Variants in RDM1 observed in about 807,000 individuals in gnomAD.
RDM1 encodes RAD52 motif containing 1.
In RDM1, 28 loss-of-function variants were observed where a neutral mutation model predicts 27.7. The ratio of observed to expected loss-of-function variants is 1.01; its 90% CI spans 0.75 to 1.39. The LOEUF (loss-of-function observed/expected upper bound fraction) is 1.39, where lower values mean the gene tolerates loss of function less well. Ranked by LOEUF, RDM1 falls within the 40% of genes most tolerant of loss-of-function variation. RDM1 has a pLI of 0.00. For missense variants in RDM1, 277 were observed against 337.3 expected (o/e 0.82, Z 1.40); for synonymous variants, 124 against 127.5 (o/e 0.97, Z 0.19).
Position 35,930,738 on chromosome 17 carries a change from C to G in RDM1, c.-11G>C. On this transcript the variant is annotated 5_prime_UTR_variant, in exon 1 of 7. Transcript: ENST00000620284. ...TACCAACTCCGCCATCCTCCCTTCA[C>G]CGCACCTGCGCGGCTAACCCTCGCC... 1 of 1,612,466 alleles carries G rather than the reference C, an allele frequency of 6.2e-7. No individual in the cohort carries two copies.
At chr17:35,923,763 C>T (rs1454679811) in intron 4 of RDM1, among the ~76,000 whole-genome samples, 1 of 152,156 alleles carries the variant, frequency 6.6e-6, no homozygotes, top group Non-Finnish European at 1.5e-5. Context: ...CCTCTGACTT[C>T]AAACCCTAAG....
chr17:35,927,115 C>CAAAAAAAAAAAAAAAA (rs955692533), intron 2 of RDM1, among the ~76,000 whole-genome samples: 1 of 75,474 alleles, frequency 1.3e-5, no homozygotes, highest in Admixed American at 1.5e-4. Flanking sequence ...TTCATTTCAC[C>CAAAAAAAAAAAAAAAA]AAAAAAAAAA....
chr17:35,925,278 A>C (rs1421690697), intron 3 of RDM1, among the ~76,000 whole-genome samples: 5 of 152,242 alleles, frequency 3.3e-5, no homozygotes, highest in Non-Finnish European at 7.3e-5. Flanking sequence ...AGATAGAGAC[A>C]ACCATTTTTT....
intron 6 of RDM1, among the ~76,000 whole-genome samples, chr17:35,919,137 CTTCA>C (rs2088847502): frequency 6.6e-6 from 1 of 152,110 alleles, no homozygotes; most frequent in African/African-American, 2.4e-5. Context: ...CAGGGAAAAA[CTTCA>C]AAACAAAACG....
At chr17:35,920,359 T>C in intron 5 of RDM1, 87 bp from the exon 6 acceptor site, 1 of 572,022 alleles carries the variant, frequency 1.7e-6, no homozygotes, top group African/African-American at 1.9e-5. Context: ...TGATGAAACA[T>C]TGTTTTGGTT....
intron 4 of RDM1, among the ~76,000 whole-genome samples, chr17:35,924,235 T>C (rs543163595): frequency 1.3e-4 from 19 of 151,850 alleles, no homozygotes; most frequent in East Asian, 7.7e-4. Flanking sequence ...AAATAATAAA[T>C]AGATAAAAAA....
At position 35,924,051 on chromosome 17, in the gene RDM1, AAATAAT is replaced by A. The variant is rs557622374; in HGVS notation, c.568+547_568+552del. Among the ~76,000 whole-genome samples, 422 of 151,372 alleles carry A rather than the reference AAATAAT, an allele frequency of 2.8e-3. 1 individual carries two copies. Among genetic ancestry groups the A allele is most frequent in the African/African-American group, 9.6e-3 (396 of 41,244 alleles). On this transcript the variant is annotated intron_variant, in intron 4 of 6. Coordinates refer to ENST00000620284, the MANE Select transcript of RDM1 (RefSeq NM_145654.4). ...CAACACAGAAAGACCCCATCTCTAA[AAATAAT>A]AATAATAATAATAATTAGGCAGGTG... is the stretch of plus-strand genomic sequence containing the variant.
At chr17:35,924,841 A>C (rs1327102319) in intron 3 of RDM1, 69 bp from the exon 4 acceptor site, 2 of 1,537,584 alleles carry the variant, frequency 1.3e-6, no homozygotes, top group South Asian at 2.4e-5. Flanking sequence ...TTTGTTATTA[A>C]AAGTAAAAAC....
intron 4 of RDM1, among the ~76,000 whole-genome samples, chr17:35,923,086 A>G (rs1054523864): frequency 6.6e-5 from 10 of 151,870 alleles, no homozygotes; most frequent in African/African-American, 1.2e-4. Context: ...AGGCTGAGGC[A>G]GGTGGAGGCC....
chr17:35,920,073 T>C (rs1402127537), intron 6 of RDM1, 114 bp downstream of exon 6: 1 of 581,276 alleles, frequency 1.7e-6, no homozygotes, highest in African/African-American at 1.9e-5. Context: ...TCAAAAGTAG[T>C]ATCAGTTTCA....
intron 2 of RDM1, among the ~76,000 whole-genome samples, chr17:35,927,793 A>G (rs2089200424): frequency 6.6e-6 from 1 of 152,178 alleles, no homozygotes; most frequent in Non-Finnish European, 1.5e-5. Flanking sequence ...AGCTTATGAA[A>G]TGGTCTCAAT....
chr17:35,923,049 C>G (rs1340332244), intron 4 of RDM1, among the ~76,000 whole-genome samples: 1 of 152,114 alleles, frequency 6.6e-6, no homozygotes, highest in Non-Finnish European at 1.5e-5. Context: ...ACCTGGTGGC[C>G]CATGCCTGTA....
intron 2 of RDM1, 65 bp downstream of exon 2, chr17:35,930,011 G>C: frequency 1.4e-6 from 2 of 1,403,852 alleles, no homozygotes; most frequent in Non-Finnish European, 2.0e-6. Flanking sequence ...CTGGACAAAT[G>C]CTAACCTATT....
chr17:35,919,610 G>C (rs562008400), intron 6 of RDM1, among the ~76,000 whole-genome samples: 1 of 152,282 alleles, frequency 6.6e-6, no homozygotes, highest in African/African-American at 2.4e-5. Context: ...AAATGGTATA[G>C]CTGTATAGGG....
At chr17:35,930,020 T>C (rs2089271340) in intron 2 of RDM1, 56 bp downstream of exon 2, 1 of 1,459,092 alleles carries the variant, frequency 6.9e-7, no homozygotes, top group African/African-American at 1.4e-5. Flanking sequence ...TGCTAACCTA[T>C]TATTGAATTC....
intron 2 of RDM1, among the ~76,000 whole-genome samples, chr17:35,928,150 A>G (rs1198352117): frequency 6.6e-6 from 1 of 152,230 alleles, no homozygotes; most frequent in African/African-American, 2.4e-5. Flanking sequence ...ATTAGTAGGA[A>G]GCAGTCAGAT....
Position 35,927,816 on chromosome 17 carries a change from C to G in RDM1, c.277-2179G>C, listed in dbSNP as rs541440806. Among the ~76,000 whole-genome samples, 14 of 152,140 alleles carry G rather than the reference C, an allele frequency of 9.2e-5. No homozygotes were observed. In the South Asian group the frequency reaches 2.9e-3, roughly 32 times the overall value. On this transcript the variant is annotated intron_variant, in intron 2 of 6. Transcript: ENST00000620284. ...AAATGGTCTCAATGTCCAAAGAGCACTAAAAACTCATTATTTGCAAAATGA... is the reference window on the plus strand; with the variant it reads ...AAATGGTCTCAATGTCCAAAGAGCAGTAAAAACTCATTATTTGCAAAATGA...
chr17:35,923,077 G>A (rs1356551232), intron 4 of RDM1, among the ~76,000 whole-genome samples: 1 of 152,194 alleles, frequency 6.6e-6, no homozygotes, highest in Non-Finnish European at 1.5e-5. Context: ...CACCTGGGGA[G>A]GCTGAGGCAG....
Position 35,930,270 on chromosome 17 carries a change from CA to C in RDM1, c.97-16del, listed in dbSNP as rs766587085. ...AACAGAGAATGCTGTGGGGGTGGGACAAGTAAATGCATGAAATCTCACGCCC... is the reference window on the plus strand; with the variant it reads ...AACAGAGAATGCTGTGGGGGTGGGACAGTAAATGCATGAAATCTCACGCCC... On this transcript the variant is annotated splice_polypyrimidine_tract_variant and intron_variant, in intron 1 of 6. Coordinates refer to ENST00000620284, the MANE Select transcript of RDM1 (RefSeq NM_145654.4). The C allele has an allele frequency of 1.2e-5, 20 of 1,614,000 alleles. No individual in the cohort carries two copies. Among genetic ancestry groups the C allele is most frequent in the Non-Finnish European group, 1.6e-5 (19 of 1,180,020 alleles).
Sources: gnomAD v4.1 joint callset for allele counts (sites outside exome capture counted in the v4.1 genomes callset) on GRCh38, gnomAD v4.1.1 for gene constraint, MANE v1.5 for transcripts, NCBI Gene and HGNC (gene_info 2026-07-23, HGNC 2026-07-21) for gene names.